KCND2: variants seen among roughly 807,000 people sequenced by gnomAD.
KCND2 encodes A-type voltage-gated potassium channel KCND2.
KCND2 carries 16 observed loss-of-function variants against 54.4 expected under a neutral mutation model. The observed-to-expected ratio is 0.29, with a 90% CI of 0.20 to 0.45. The LOEUF (loss-of-function observed/expected upper bound fraction) is 0.45. Among genes scored for constraint, KCND2 ranks in the 20% least tolerant of loss-of-function variants. The pLI, the probability that KCND2 is intolerant of heterozygous loss-of-function variation, is 1.00. For missense variants in KCND2, 486 were observed against 824.2 expected (o/e 0.59, Z 5.02); for synonymous variants, 317 against 310.7 (o/e 1.02, Z -0.21).
chr7:120,321,653 G>A (rs976719412), intron 1 of KCND2, among the ~76,000 whole-genome samples: 1 of 152,012 alleles, frequency 6.6e-6, no homozygotes, highest in Admixed American at 6.6e-5. Context: ...ATTGTGCCTA[G>A]CATGGAATAT....
intron 1 of KCND2, among the ~76,000 whole-genome samples, chr7:120,603,627 C>T (rs1229376050): frequency 6.6e-6 from 1 of 152,190 alleles, no homozygotes; most frequent in Non-Finnish European, 1.5e-5. Context: ...TAGCCCTACA[C>T]TTATTAAGCA....
chr7:120,329,376 G>C (rs1248634551), intron 1 of KCND2, among the ~76,000 whole-genome samples: 4 of 151,914 alleles, frequency 2.6e-5, no homozygotes, highest in Non-Finnish European at 5.9e-5. Context: ...ACTCGCCTTG[G>C]CCTCCCAATA....
intron 1 of KCND2, among the ~76,000 whole-genome samples, chr7:120,342,106 G>T (rs763071109): frequency 6.6e-6 from 1 of 152,116 alleles, no homozygotes; most frequent in Non-Finnish European, 1.5e-5. Context: ...TAAACACAAG[G>T]TGTAATGAAA....
intron 1 of KCND2, among the ~76,000 whole-genome samples, chr7:120,545,094 C>T (rs1213693584): frequency 6.6e-6 from 1 of 151,802 alleles, no homozygotes; most frequent in Non-Finnish European, 1.5e-5. Context: ...ACAAACATTA[C>T]CATAGGTGTA....
chr7:120,420,039 G>A (rs1263693059), intron 1 of KCND2, among the ~76,000 whole-genome samples: 1 of 149,964 alleles, frequency 6.7e-6, no homozygotes, highest in Non-Finnish European at 1.5e-5. Flanking sequence ...AAACTGAAGA[G>A]CTGTTCAGTT....
chr7:120,366,569 AAAGAG>A (rs925755080), intron 1 of KCND2, among the ~76,000 whole-genome samples: 2 of 151,742 alleles, frequency 1.3e-5, no homozygotes, highest in South Asian at 2.1e-4. Flanking sequence ...AGAAAAAAGA[AAAGAG>A]AAGAAAGAAA....
intron 1 of KCND2, among the ~76,000 whole-genome samples, chr7:120,463,121 A>G (rs1413266338): frequency 3.3e-5 from 5 of 152,078 alleles, no homozygotes; most frequent in African/African-American, 7.2e-5. Context: ...TTGTTTGAGT[A>G]TCCACTTTTT....
intron 1 of KCND2, among the ~76,000 whole-genome samples, chr7:120,316,298 A>C (rs1023008374): frequency 2.0e-5 from 3 of 152,194 alleles, no homozygotes; most frequent in African/African-American, 7.2e-5. Context: ...GAATGATTCT[A>C]CTTCTCAGAA....
intron 1 of KCND2, among the ~76,000 whole-genome samples, chr7:120,459,542 T>G (rs573833773): frequency 1.3e-5 from 2 of 152,214 alleles, no homozygotes; most frequent in African/African-American, 4.8e-5. Context: ...GTGTGCCCTT[T>G]GTATAACTCC....
intron 1 of KCND2, among the ~76,000 whole-genome samples, chr7:120,385,966 C>A (rs533638070): frequency 6.6e-6 from 1 of 152,214 alleles, no homozygotes; most frequent in African/African-American, 2.4e-5. Context: ...ATCTAGACTT[C>A]TTTGTATTCT....
At chr7:120,487,366 A>G (rs1562852572) in intron 1 of KCND2, among the ~76,000 whole-genome samples, 1 of 152,184 alleles carries the variant, frequency 6.6e-6, no homozygotes, top group Admixed American at 6.5e-5. Flanking sequence ...ATGGAATAAC[A>G]AGAAAAATGA....
chr7:120,556,167 A>G (rs1343441675), intron 1 of KCND2, among the ~76,000 whole-genome samples: 1 of 152,172 alleles, frequency 6.6e-6, no homozygotes, highest in Non-Finnish European at 1.5e-5. Context: ...AATGCCAAAA[A>G]ATCCCTCCAA....
intron 1 of KCND2, among the ~76,000 whole-genome samples, chr7:120,389,152 A>G (rs1484446476): frequency 6.6e-6 from 1 of 151,844 alleles, no homozygotes; most frequent in Non-Finnish European, 1.5e-5. Context: ...TGAGAAAATG[A>G]TATTCATATA....
At chr7:120,552,106 G>A (rs181566211) in intron 1 of KCND2, among the ~76,000 whole-genome samples, 63 of 152,252 alleles carry the variant, frequency 4.1e-4, no homozygotes, top group African/African-American at 1.5e-3. Context: ...TATCTTATAA[G>A]AATATGCAAA....
intron 1 of KCND2, among the ~76,000 whole-genome samples, chr7:120,731,645 G>A (rs1001077452): frequency 2.0e-5 from 3 of 152,178 alleles, no homozygotes; most frequent in African/African-American, 7.2e-5. Context: ...CAAAGTTCTG[G>A]CTGCTATGTT....
chr7:120,644,006 T>A (rs1239573843), intron 1 of KCND2, among the ~76,000 whole-genome samples: 6 of 152,088 alleles, frequency 3.9e-5, no homozygotes, highest in Non-Finnish European at 5.9e-5. Flanking sequence ...TACCTCATCA[T>A]AAACCATCTC....
chr7:120,418,138 T>A (rs1401166911), intron 1 of KCND2, among the ~76,000 whole-genome samples: 1 of 152,186 alleles, frequency 6.6e-6, no homozygotes. Flanking sequence ...TATTAATCTC[T>A]CCATTTCATT....
chr7:120,625,292 A>AAATGT (rs1351336456), intron 1 of KCND2, among the ~76,000 whole-genome samples: 2 of 152,238 alleles, frequency 1.3e-5, no homozygotes, highest in African/African-American at 4.8e-5. Context: ...ATTAACAGAA[A>AAATGT]AATGTAATGG....
At chr7:120,445,619 G>T (rs555699504) in intron 1 of KCND2, among the ~76,000 whole-genome samples, 54 of 152,146 alleles carry the variant, frequency 3.5e-4, no homozygotes, top group African/African-American at 1.3e-3. Flanking sequence ...ATAGTGAATG[G>T]AAAATAAATG....
Sources: gnomAD v4.1 joint callset for allele counts (sites outside exome capture counted in the v4.1 genomes callset) on GRCh38, gnomAD v4.1.1 for gene constraint, MANE v1.5 for transcripts, NCBI Gene and HGNC (gene_info 2026-07-23, HGNC 2026-07-21) for gene names.